Variants in FGF14 observed in about 807,000 individuals in gnomAD.
FGF14 encodes fibroblast growth factor homologous factor 4.
In FGF14, 5 loss-of-function variants were observed where a neutral mutation model predicts 25.5. That is an observed-to-expected ratio of 0.20 (90% CI 0.10 to 0.41). The LOEUF (loss-of-function observed/expected upper bound fraction) is 0.41, where lower values mean the gene tolerates loss of function less well. FGF14 is among the 10% of genes least tolerant of loss of function. The pLI is 1.00. For synonymous variants in FGF14, 138 were observed against 118.3 expected, an observed-to-expected ratio of 1.17 and a Z score of -1.08; for missense variants, 222 against 320.1, an observed-to-expected ratio of 0.69 and a Z score of 2.34.
intron 1 of FGF14, among the ~76,000 whole-genome samples, chr13:102,204,525 G>A (rs1179675614): frequency 2.0e-5 from 3 of 151,898 alleles, no homozygotes; most frequent in Non-Finnish European, 4.4e-5. Context: ...TTAATTTGGG[G>A]CAAGCATCTT....
At chr13:102,257,398 C>A (rs1180829787) in intron 1 of FGF14, among the ~76,000 whole-genome samples, 1 of 120,166 alleles carries the variant, frequency 8.3e-6, no homozygotes, top group African/African-American at 3.2e-5. Context: ...ATCACCCAGG[C>A]TGGAGCACAG....
In FGF14 at chr13:102,078,373, G is replaced by A. The variant is rs76143623; in HGVS notation, c.209-203077C>T. ...CAATGTATACATATTTCAAAACAGCGTGATGTACACTATAAAAATATACAG... is the reference window on the plus strand; with the variant it reads ...CAATGTATACATATTTCAAAACAGCATGATGTACACTATAAAAATATACAG... On this transcript the variant is annotated intron_variant, in intron 1 of 4. Transcript: ENST00000376131. Among the ~76,000 whole-genome samples the A allele has an allele frequency of 7.2e-5, 11 of 152,070 alleles. No homozygotes were observed. In the South Asian group the frequency reaches 1.5e-3, roughly 20 times the overall value.
chr13:102,105,975 G>GGTGGATTACAGACTGTAATAAATATATC (rs749375760), intron 1 of FGF14, among the ~76,000 whole-genome samples: 2 of 152,056 alleles, frequency 1.3e-5, no homozygotes, highest in Non-Finnish European at 2.9e-5. Context: ...GAAAGATGGT[G>GGTGGATTACAGACTGTAATAAATATATC]GTGGATTACA....
intron 1 of FGF14, among the ~76,000 whole-genome samples, chr13:102,273,106 C>G (rs1453132659): frequency 6.6e-6 from 1 of 152,068 alleles, no homozygotes; most frequent in Admixed American, 6.6e-5. Flanking sequence ...GACTTTTCCT[C>G]TAGTTGAAGG....
chr13:102,321,554 T>A (rs1234604715), intron 1 of FGF14, among the ~76,000 whole-genome samples: 1 of 152,202 alleles, frequency 6.6e-6, no homozygotes, highest in African/African-American at 2.4e-5. Flanking sequence ...TTAGTGGCTT[T>A]TCCATACTCT....
At chr13:101,925,328 T>C (rs1451639424) in intron 1 of FGF14, among the ~76,000 whole-genome samples, 1 of 152,188 alleles carries the variant, frequency 6.6e-6, no homozygotes, top group Non-Finnish European at 1.5e-5. Flanking sequence ...TCAAAGACCA[T>C]ACACTTTAAT....
chr13:102,132,295 A>C (rs543533825), intron 1 of FGF14, among the ~76,000 whole-genome samples: 1 of 152,290 alleles, frequency 6.6e-6, no homozygotes, highest in Non-Finnish European at 1.5e-5. Context: ...AAAATACAAA[A>C]TATTTTCTAC....
At chr13:101,952,592 T>C (rs916123668) in intron 1 of FGF14, among the ~76,000 whole-genome samples, 19 of 152,222 alleles carry the variant, frequency 1.2e-4, no homozygotes, top group East Asian at 3.9e-4. Context: ...TCACATCAAG[T>C]ACCTGCCTTC....
intron 1 of FGF14, among the ~76,000 whole-genome samples, chr13:102,249,396 C>T (rs1266236706): frequency 6.6e-6 from 1 of 152,166 alleles, no homozygotes; most frequent in Non-Finnish European, 1.5e-5. Context: ...AAATTGACCA[C>T]AATCAGAAAG....
chr13:101,852,098 A>G (rs1191162573), intron 3 of FGF14, among the ~76,000 whole-genome samples: 3 of 152,230 alleles, frequency 2.0e-5, no homozygotes, highest in Non-Finnish European at 2.9e-5. Context: ...ATAAAGTAAC[A>G]TTTGAAATTA....
At chr13:102,269,972 G>A (rs2053169537) in intron 1 of FGF14, among the ~76,000 whole-genome samples, 1 of 152,160 alleles carries the variant, frequency 6.6e-6, no homozygotes, top group Admixed American at 6.5e-5. Context: ...GCTGTTCAAA[G>A]GCAGGGACCA....
At chr13:101,826,261 C>T (rs1029054770) in intron 3 of FGF14, among the ~76,000 whole-genome samples, 12 of 152,072 alleles carry the variant, frequency 7.9e-5, no homozygotes, top group South Asian at 2.1e-4. Flanking sequence ...AACCTCCCCC[C>T]GTCCCCGATA....
chr13:102,303,072 C>T (rs1211424741), intron 1 of FGF14, among the ~76,000 whole-genome samples: 3 of 152,288 alleles, frequency 2.0e-5, no homozygotes, highest in East Asian at 1.9e-4. Flanking sequence ...ACTTTCTCCC[C>T]GACTCACTCT....
At chr13:102,288,785 A>G (rs1261529742) in intron 1 of FGF14, among the ~76,000 whole-genome samples, 1 of 152,078 alleles carries the variant, frequency 6.6e-6, no homozygotes, top group Admixed American at 6.5e-5. Flanking sequence ...GGGTTTCACC[A>G]TGTTGGCCAG....
intron 1 of FGF14, among the ~76,000 whole-genome samples, chr13:101,901,105 AG>A (rs2138984222): frequency 6.6e-6 from 1 of 152,278 alleles, no homozygotes; most frequent in South Asian, 2.1e-4. Flanking sequence ...TTTTTCCCAC[AG>A]GTTGGGAAGA....
intron 1 of FGF14, among the ~76,000 whole-genome samples, chr13:102,193,507 T>G (rs1436810960): frequency 6.6e-6 from 1 of 152,156 alleles, no homozygotes; most frequent in Non-Finnish European, 1.5e-5. Context: ...TTTGCTGACC[T>G]TGAGTATCTG....
At chr13:102,383,475 T>C (rs1235972097) in intron 1 of FGF14, among the ~76,000 whole-genome samples, 1 of 152,202 alleles carries the variant, frequency 6.6e-6, no homozygotes, top group African/African-American at 2.4e-5. Context: ...CATATTACTA[T>C]CTTTTCAACT....
At chr13:102,159,078 T>C (rs187409098) in intron 1 of FGF14, among the ~76,000 whole-genome samples, 43 of 143,462 alleles carry the variant, frequency 3.0e-4, no homozygotes, top group African/African-American at 1.1e-3. Context: ...GGATGGAGGT[T>C]GCAGAGAGCC....
chr13:102,252,104 G>A (rs1470266914), intron 1 of FGF14, among the ~76,000 whole-genome samples: 1 of 152,098 alleles, frequency 6.6e-6, no homozygotes, highest in South Asian at 2.1e-4. Flanking sequence ...GAAGATAGCT[G>A]GGAAAGGCAT....
Sources: gnomAD v4.1 joint callset for allele counts (sites outside exome capture counted in the v4.1 genomes callset) on GRCh38, gnomAD v4.1.1 for gene constraint, MANE v1.5 for transcripts, NCBI Gene and HGNC (gene_info 2026-07-23, HGNC 2026-07-21) for gene names.